ARHGAP39: variants seen among roughly 807,000 people sequenced by gnomAD.
ARHGAP39 encodes Rho GTPase activating protein 39.
A neutral mutation model predicts 106.9 loss-of-function variants in ARHGAP39; 44 were observed. That is an observed-to-expected ratio of 0.41 (90% CI 0.32 to 0.53). The LOEUF (loss-of-function observed/expected upper bound fraction) is 0.53, where lower values mean the gene tolerates loss of function less well. Among genes scored for constraint, ARHGAP39 ranks in the 20% least tolerant of loss-of-function variants. The probability of loss-of-function intolerance (pLI) is 0.21; values close to 1 mark genes in which losing one functional copy is unlikely to be tolerated. For missense variants in ARHGAP39, 1,496 were observed against 1,577.3 expected (o/e 0.95, Z 0.87); for synonymous variants, 768 against 693.2 (o/e 1.11, Z -1.69).
chr8:144,619,570 G>C (rs540141839), intron 1 of ARHGAP39, among the ~76,000 whole-genome samples: 1 of 151,850 alleles, frequency 6.6e-6, no homozygotes, highest in Middle Eastern at 3.4e-3. Context: ...GTGAGTACCC[G>C]TGTGTGTGTG....
intron 4 of ARHGAP39, among the ~76,000 whole-genome samples, chr8:144,552,035 G>C (rs1294400372): frequency 6.6e-6 from 1 of 152,228 alleles, no homozygotes; most frequent in African/African-American, 2.4e-5. Context: ...CCAGAGCAGA[G>C]AGACCATCTC....
At chr8:144,682,549 A>G (rs924699706) in intron 1 of ARHGAP39, among the ~76,000 whole-genome samples, 2 of 111,198 alleles carry the variant, frequency 1.8e-5, no homozygotes, top group African/African-American at 1.1e-4. Flanking sequence ...ACTCTGTCTC[A>G]AAAAAAAAAA....
intron 2 of ARHGAP39, among the ~76,000 whole-genome samples, chr8:144,596,859 G>T (rs1360478985): frequency 6.6e-6 from 1 of 152,216 alleles, no homozygotes; most frequent in Non-Finnish European, 1.5e-5. Flanking sequence ...ACACCCCTAA[G>T]CACCGGAGGG....
At chr8:144,673,216 C>CAAAAA (rs112112343) in intron 1 of ARHGAP39, among the ~76,000 whole-genome samples, 1 of 141,356 alleles carries the variant, frequency 7.1e-6, no homozygotes, top group Admixed American at 7.1e-5. Flanking sequence ...GAACCTGTCT[C>CAAAAA]AAAAAAAAAA....
At chr8:144,600,521 G>A (rs71520581) in intron 2 of ARHGAP39, among the ~76,000 whole-genome samples, 3 of 148,590 alleles carry the variant, frequency 2.0e-5, no homozygotes, top group Non-Finnish European at 3.0e-5. Context: ...CGTGTGCGTG[G>A]AGGCGTGCGT....
chr8:144,661,297 G>A (rs978209131), intron 1 of ARHGAP39, among the ~76,000 whole-genome samples: 1 of 152,192 alleles, frequency 6.6e-6, no homozygotes, highest in Non-Finnish European at 1.5e-5. Flanking sequence ...CAACATCTCA[G>A]CCTCTCCCCG....
At chr8:144,610,693 C>G (rs1820460744) in intron 1 of ARHGAP39, among the ~76,000 whole-genome samples, 1 of 150,904 alleles carries the variant, frequency 6.6e-6, no homozygotes. Context: ...GCCTGGGCGA[C>G]AGTGAGAGAC....
At chr8:144,532,747 G>C (rs911810128) in intron 9 of ARHGAP39, among the ~76,000 whole-genome samples, 35 of 152,188 alleles carry the variant, frequency 2.3e-4, no homozygotes, top group African/African-American at 8.2e-4. Flanking sequence ...CCCTTGCCCT[G>C]ACAGGTGAGT....
At chr8:144,660,564 T>A (rs1369356008) in intron 1 of ARHGAP39, among the ~76,000 whole-genome samples, 2 of 152,210 alleles carry the variant, frequency 1.3e-5, no homozygotes, top group Non-Finnish European at 2.9e-5. Flanking sequence ...CATGATTCCG[T>A]GCTCAGCAGC....
At chr8:144,656,286 A>G (rs1000710183) in intron 1 of ARHGAP39, among the ~76,000 whole-genome samples, 2 of 152,066 alleles carry the variant, frequency 1.3e-5, no homozygotes, top group African/African-American at 4.8e-5. Flanking sequence ...TGAGCCCAGG[A>G]GTTCAAAACC....
intron 2 of ARHGAP39, among the ~76,000 whole-genome samples, chr8:144,601,335 T>G (rs1196597569): frequency 7.1e-6 from 1 of 140,314 alleles, no homozygotes; most frequent in Non-Finnish European, 1.5e-5. Context: ...GGCGTGTGTG[T>G]GCTCGTGTAC....
At chr8:144,680,365 C>T (rs1007780819) in intron 1 of ARHGAP39, among the ~76,000 whole-genome samples, 1 of 152,170 alleles carries the variant, frequency 6.6e-6, no homozygotes, top group Non-Finnish European at 1.5e-5. Context: ...TCAGCCAGAG[C>T]GGCCATGGAC....
In ARHGAP39 at chr8:144,603,033, G is replaced by A. The variant is rs549183656; in HGVS notation, c.80+2502C>T. ...TGTGCGAGCTCATGTATCTGTGTGC[G>A]TGCGTGGAGGCGTGTGTGTGAGCTC... On this transcript the variant is annotated intron_variant, in intron 2 of 11. Transcript: ENST00000377307. Among the ~76,000 whole-genome samples the A allele has an allele frequency of 3.7e-3, 531 of 145,408 alleles. 2 individuals are homozygous for A. The highest frequency in any genetic ancestry group is 3.8e-3 in the Non-Finnish European group (257 of 66,970).
At position 144,529,587 on chromosome 8, in the gene ARHGAP39, A is replaced by C. The variant is rs546165715; in HGVS notation, c.*835T>G. The C allele has an allele frequency of 6.6e-6, 1 of 152,174 alleles. No homozygotes were observed. The highest frequency in any genetic ancestry group is 2.1e-4 in the South Asian group (1 of 4,834). The allele number at this position is 152,174 out of a possible 1,614,324, so 9.4% of individuals were successfully genotyped here. ...AAAAAGATCGGAGAAGAAAAGAAGG[A>C]ATGACCTCAACTTGCTCTGCACGGA... On this transcript the variant is annotated 3_prime_UTR_variant, in exon 12 of 12. Coordinates refer to ENST00000377307, the MANE Select transcript of ARHGAP39 (RefSeq NM_025251.3).
chr8:144,530,521 G>A lies in ARHGAP39; in HGVS notation c.3246C>T (p.Asp1082=), dbSNP rs368090020. ...TGTTCTCGAAGATGACGCGCGGGTC[G>A]TCGGACTGGCAGCGCAAGCAGTTGG... ...MAPNCLRCQS[D]DPRVIFENTR... Residue 1082 remains aspartate (D), a synonymous_variant, in exon 12 of 12, where the codon GAC becomes GAT. Transcript: ENST00000377307. 1 of 1,612,184 alleles carries A rather than the reference G, an allele frequency of 6.2e-7. No individual in the cohort carries two copies. The highest frequency in any genetic ancestry group is 2.2e-5 in the East Asian group (1 of 44,838).
intron 1 of ARHGAP39, among the ~76,000 whole-genome samples, chr8:144,662,284 CGA>C (rs1821846384): frequency 2.0e-5 from 3 of 150,410 alleles, no homozygotes; most frequent in African/African-American, 2.4e-5. Flanking sequence ...GACCATTCCC[CGA>C]CTCCCCGTTT....
At chr8:144,669,803 T>A (rs1217966026) in intron 1 of ARHGAP39, among the ~76,000 whole-genome samples, 4 of 152,042 alleles carry the variant, frequency 2.6e-5, no homozygotes, top group Non-Finnish European at 5.9e-5. Context: ...GAAATACAAA[T>A]AAAAATCACT....
chr8:144,673,697 T>C (rs1249753704), intron 1 of ARHGAP39, among the ~76,000 whole-genome samples: 1 of 152,222 alleles, frequency 6.6e-6, no homozygotes, highest in Admixed American at 6.5e-5. Context: ...TGCCTGAGTA[T>C]TGCTCATGCC....
At chr8:144,603,034 T>C (rs1422805686) in intron 2 of ARHGAP39, among the ~76,000 whole-genome samples, 1 of 143,952 alleles carries the variant, frequency 6.9e-6, no homozygotes, top group African/African-American at 2.7e-5. Flanking sequence ...TCTGTGTGCG[T>C]GCGTGGAGGC....
Sources: allele counts gnomAD v4.1 joint callset (sites outside exome capture counted in the v4.1 genomes callset), GRCh38; gene constraint gnomAD v4.1.1; transcripts MANE v1.5; gene names NCBI Gene and HGNC (gene_info 2026-07-23, HGNC 2026-07-21).